KCTD10: variants seen among roughly 807,000 people sequenced by gnomAD.
The protein encoded by KCTD10 is BTB/POZ domain-containing adapter for CUL3-mediated RhoA degradation protein 3.
A neutral mutation model predicts 34.6 loss-of-function variants in KCTD10; 13 were observed. That is an observed-to-expected ratio of 0.38 (90% CI 0.24 to 0.60). KCTD10 has a LOEUF of 0.60. KCTD10 is among the 20% of genes least tolerant of loss of function. The probability of loss-of-function intolerance (pLI) is 0.66; values close to 1 mark genes in which losing one functional copy is unlikely to be tolerated. For missense variants in KCTD10, 256 were observed against 420.3 expected (o/e 0.61, Z 3.42); for synonymous variants, 156 against 168.8 (o/e 0.92, Z 0.59).
chr12:109,456,416 T>C (rs980804398), intron 5 of KCTD10, 103 bp from the exon 6 acceptor site: 1 of 923,810 alleles, frequency 1.1e-6, no homozygotes, highest in Non-Finnish European at 1.8e-6. Context: ...CTTTCTCCAC[T>C]ACCTCATTTC....
rs780693972 is a variant in KCTD10, at chr12:109,450,331, C to T, written c.*1264G>A. Reference sequence around the variant, plus strand: ...GAACACCCGTCCTACATAGGCGCTGCGCCCAGCCGGGCTCCAGCAGGGGCC... The same window carrying T: ...GAACACCCGTCCTACATAGGCGCTGTGCCCAGCCGGGCTCCAGCAGGGGCC... On this transcript the variant is annotated 3_prime_UTR_variant, in exon 7 of 7. Transcript: ENST00000228495. 19 of 380,632 alleles carry T rather than the reference C, an allele frequency of 5.0e-5. No homozygotes were observed. The highest frequency in any genetic ancestry group is 1.4e-4 in the Admixed American group (3 of 20,904). 23.6% of individuals were successfully genotyped at this position (380,632 alleles called of 1,614,324 possible).
chr12:109,464,734 C>T (rs1321851755), intron 2 of KCTD10: 1 of 427,140 alleles, frequency 2.3e-6, no homozygotes, highest in East Asian at 7.2e-5. Context: ...CTCAACGTAC[C>T]AGACATTAGG....
chr12:109,455,665 TA>T, intron 6 of KCTD10: 1 of 183,466 alleles, frequency 5.5e-6, no homozygotes, highest in South Asian at 1.1e-4. Flanking sequence ...ACAGAGTGTA[TA>T]ATGTGAATTA....
chr12:109,475,189 C>T (rs1874098427), intron 1 of KCTD10, among the ~76,000 whole-genome samples: 1 of 152,066 alleles, frequency 6.6e-6, no homozygotes, highest in South Asian at 2.1e-4. Flanking sequence ...AAACATGATG[C>T]CAGGCCAGGC....
intron 2 of KCTD10, among the ~76,000 whole-genome samples, chr12:109,468,685 C>T (rs1228850983): frequency 6.8e-6 from 1 of 147,624 alleles, no homozygotes; most frequent in Non-Finnish European, 1.5e-5. Context: ...CGGAGTCTCG[C>T]TCTGTCGCCC....
At chr12:109,455,816 T>C (rs1341679072) in intron 6 of KCTD10, among the ~76,000 whole-genome samples, 1 of 152,088 alleles carries the variant, frequency 6.6e-6, no homozygotes, top group Non-Finnish European at 1.5e-5. Flanking sequence ...AGTCAAAGGA[T>C]AGGTCAAGCC....
rs188941548 is a variant in KCTD10 at position 109,455,176 on chromosome 12, T to C, written c.723+942A>G. On this transcript the variant is annotated intron_variant, in intron 6 of 6. Transcript: ENST00000228495. ...AAAGAACCTCAGTGTTTAGCACTTC[T>C]TGGCTACCTTAAGAACAATATCTAT... Among the ~76,000 whole-genome samples, 4 of 152,314 alleles carry C rather than the reference T, an allele frequency of 2.6e-5. No individual in the cohort carries two copies. The East Asian group carries it at 5.8e-4, about 22-fold the overall frequency.
chr12:109,469,661 A>T lies in KCTD10; in HGVS notation c.71T>A (p.Phe24Tyr), dbSNP rs1873785126. 6.2e-7 allele frequency: 1 copy of T among 1,614,160 alleles called. No homozygotes were observed. The highest frequency in any genetic ancestry group is 1.3e-5 in the African/African-American group (1 of 75,032). The change falls in exon 2 of 7, where the codon TTC becomes TAC. Residue 24 changes from phenylalanine (F) to tyrosine (Y), a missense_variant. Around this residue, in one of 3 missense-constraint regions of KCTD10, gnomAD observed 155 missense variants for 207.0 expected, o/e 0.75. Coordinates refer to ENST00000228495, the MANE Select transcript of KCTD10 (RefSeq NM_031954.5). ...TTTGGAGCTGGGGCTCGTGCCCTTG[A>T]AGGAAGTGGTGCGGGTAGCAGCCGC... is the stretch of plus-strand genomic sequence containing the variant. ...VPAAATRTTS[F>Y]KGTSPSSKYV...
chr12:109,453,276 A>G (rs1872865370), intron 6 of KCTD10, among the ~76,000 whole-genome samples: 1 of 152,108 alleles, frequency 6.6e-6, no homozygotes, highest in African/African-American at 2.4e-5. Flanking sequence ...GCTGGTCTTG[A>G]ACTACTGGGC....
rs1164093119 is a variant in KCTD10 at position 109,477,252 on chromosome 12, C to T, written c.3+8G>A. 3.1e-6 allele frequency: 5 copies of T among 1,613,840 alleles called. No homozygotes were observed. In the African/African-American group the frequency reaches 4.0e-5, roughly 13 times the overall value. ...CAACCCCTAGTCCATGGGCACCGCCCTCCCTACCATGAAAAGTCGGAGGAC... is the reference window on the plus strand; with the variant it reads ...CAACCCCTAGTCCATGGGCACCGCCTTCCCTACCATGAAAAGTCGGAGGAC... On this transcript the variant is annotated splice_region_variant and intron_variant, in intron 1 of 6. Coordinates refer to ENST00000228495, the MANE Select transcript of KCTD10 (RefSeq NM_031954.5).
At chr12:109,476,718 G>A (rs892048325) in intron 1 of KCTD10, among the ~76,000 whole-genome samples, 1 of 152,048 alleles carries the variant, frequency 6.6e-6, no homozygotes, top group Non-Finnish European at 1.5e-5. Context: ...TCACTGGGCC[G>A]TGTGTTCAGA....
intron 1 of KCTD10, among the ~76,000 whole-genome samples, chr12:109,472,624 C>T (rs1873944687): frequency 1.3e-5 from 2 of 152,058 alleles, no homozygotes; most frequent in African/African-American, 4.8e-5. Context: ...ATGTACTGTA[C>T]ATAATTGTGT....
chr12:109,471,435 C>T lies in KCTD10; in HGVS notation c.4-1707G>A, dbSNP rs559986270. On this transcript the variant is annotated intron_variant, in intron 1 of 6. Coordinates refer to ENST00000228495, the MANE Select transcript of KCTD10 (RefSeq NM_031954.5). ...TGGAAAGAAATGTTTTCTCAAGAAA[C>T]AGTTCCTTTTTCATCAAGAAAAGTC... is the stretch of plus-strand genomic sequence containing the variant. 8 of 984,218 alleles carry T rather than the reference C, an allele frequency of 8.1e-6. No homozygotes were observed. In the Admixed American group the frequency reaches 3.1e-4, roughly 38 times the overall value. 61.0% of individuals were successfully genotyped at this position (984,218 alleles called of 1,614,324 possible).
At chr12:109,464,043 C>T (rs1214624319) in intron 2 of KCTD10, among the ~76,000 whole-genome samples, 1 of 152,120 alleles carries the variant, frequency 6.6e-6, no homozygotes, top group Non-Finnish European at 1.5e-5. Flanking sequence ...CTCCCCTCCT[C>T]CCCGCCCCGT....
At position 109,451,788 on chromosome 12, in the gene KCTD10, T is replaced by TA. The variant is rs768724195; in HGVS notation, c.748dup (p.Tyr250LeufsTer2). 1 of 1,613,900 alleles carries TA rather than the reference T, an allele frequency of 6.2e-7. No individual in the cohort carries two copies. Among genetic ancestry groups the TA allele is most frequent in the African/African-American group, 1.3e-5 (1 of 75,044 alleles). On this transcript the variant is annotated frameshift_variant, in exon 7 of 7. Transcript: ENST00000228495. LOFTEE classifies it high-confidence loss of function. The surrounding 1 kb of genome is among the most constrained non-coding windows in gnomAD (Gnocchi z 5.0). ...CAGCAAAATGTTCAGGGTCTCCTCA[T>TA]AAATCCGGGCTTCGGGAAACTCCAC...
intron 6 of KCTD10, among the ~76,000 whole-genome samples, chr12:109,453,791 G>C (rs1311967088): frequency 1.3e-5 from 2 of 152,208 alleles, no homozygotes; most frequent in East Asian, 3.8e-4. Flanking sequence ...AGGAGCTTGA[G>C]AAAGCAGCCT....
chr12:109,466,316 C>T (rs1176008587), intron 2 of KCTD10, among the ~76,000 whole-genome samples: 1 of 152,218 alleles, frequency 6.6e-6, no homozygotes, highest in Non-Finnish European at 1.5e-5. Flanking sequence ...TTCCCATTTA[C>T]TGAGTTCTCC....
rs767065975 is a variant in KCTD10 at position 109,451,193 on chromosome 12, G to C, written c.*402C>G. ...GCCTCCAACTGCAGGACAACTCTCA[G>C]AATTGTCAAACTGAACCCTTAAGGG... On this transcript the variant is annotated 3_prime_UTR_variant, in exon 7 of 7. Coordinates refer to ENST00000228495, the MANE Select transcript of KCTD10 (RefSeq NM_031954.5). This position sits in a 1 kb window ranked among gnomAD's most constrained non-coding sequence, Gnocchi z 5.0. 6.2e-6 allele frequency: 1 copy of C among 161,864 alleles called. No homozygotes were observed. Among genetic ancestry groups the C allele is most frequent in the Non-Finnish European group, 1.3e-5 (1 of 74,988 alleles). 10.0% of individuals were successfully genotyped at this position (161,864 alleles called of 1,614,324 possible). A position where few individuals can be genotyped will look rare whatever the true frequency, so the allele number is the denominator to read the frequency against.
intron 2 of KCTD10, among the ~76,000 whole-genome samples, chr12:109,461,118 C>T (rs1346905437): frequency 1.3e-5 from 2 of 152,240 alleles, no homozygotes; most frequent in Non-Finnish European, 2.9e-5. Context: ...GGACATCCAA[C>T]AGGGGCCTCG....
Sources: allele counts gnomAD v4.1 joint callset (sites outside exome capture counted in the v4.1 genomes callset), GRCh38; gene constraint gnomAD v4.1.1; regional missense constraint gnomAD v4.1.1; non-coding constraint Gnocchi (gnomAD v3.1); transcripts MANE v1.5; gene names NCBI Gene and HGNC (gene_info 2026-07-23, HGNC 2026-07-21).